The following PNKD variants were observed in gnomAD, a reference collection of about 807,000 sequenced individuals.
PNKD encodes the protein probable thioesterase PNKD.
Under a neutral mutation model 45.3 loss-of-function variants are expected in PNKD, and 36 were observed. The ratio of observed to expected loss-of-function variants is 0.80; its 90% CI spans 0.61 to 1.05. The LOEUF (loss-of-function observed/expected upper bound fraction) is 1.05, where lower values mean the gene tolerates loss of function less well. Among genes scored for constraint, PNKD ranks in the 50% least tolerant of loss-of-function variants. The pLI is 0.00. For missense variants in PNKD, 511 were observed against 506.6 expected (o/e 1.01, Z -0.08); for synonymous variants, 197 against 210.1 (o/e 0.94, Z 0.54).
chr2:218,291,908 T>C (rs1246896843), intron 2 of PNKD, among the ~76,000 whole-genome samples: 7 of 152,020 alleles, frequency 4.6e-5, no homozygotes, highest in African/African-American at 1.5e-4. Context: ...CTTGAGCTGC[T>C]CATTGGCTTC....
At chr2:218,270,822 C>A (rs2106176803) in intron 1 of PNKD, 1 of 401,192 alleles carries the variant, frequency 2.5e-6, no homozygotes, top group East Asian at 3.6e-5. Context: ...CAAGAGGGAG[C>A]TCCTAGGAAG....
At chr2:218,341,888 G>A (rs2106295306) in intron 6 of PNKD, 93 bp from the exon 7 acceptor site, 1 of 1,076,806 alleles carries the variant, frequency 9.3e-7, no homozygotes, top group South Asian at 1.3e-5. Context: ...CCACTCTCTT[G>A]TGAATCACCC....
intron 2 of PNKD, among the ~76,000 whole-genome samples, chr2:218,325,735 G>A (rs1204608574): frequency 3.3e-5 from 5 of 152,172 alleles, no homozygotes; most frequent in Non-Finnish European, 7.4e-5. Context: ...TTGAGGGTGT[G>A]GGTATGCCTG....
intron 2 of PNKD, chr2:218,272,576 C>T (rs1690888088): frequency 2.5e-6 from 4 of 1,613,724 alleles, no homozygotes; most frequent in Admixed American, 1.7e-5. Flanking sequence ...GTAGGGCCAT[C>T]GGCTTCCCTT....
In PNKD at chr2:218,278,631, G is replaced by A. The variant is rs1691513819; in HGVS notation, c.236+7082G>A. On this transcript the variant is annotated intron_variant, in intron 2 of 9. Transcript: ENST00000273077. ...TGCCCCGCTTGGCAGCACACACCAGGCCAGTGATTTGGGGCCCAAATAGCC... is the reference window on the plus strand; with the variant it reads ...TGCCCCGCTTGGCAGCACACACCAGACCAGTGATTTGGGGCCCAAATAGCC... The A allele has an allele frequency of 3.8e-6, 6 of 1,574,604 alleles. No individual in the cohort carries two copies. The Admixed American group carries it at 1.0e-4, about 26-fold the overall frequency.
Position 218,339,858 on chromosome 2 carries a change from C to A in PNKD, c.312C>A (p.Tyr104Ter). 6.2e-7 allele frequency: 1 copy of A among 1,611,828 alleles called. No individual in the cohort carries two copies. Among genetic ancestry groups the A allele is most frequent in the Non-Finnish European group, 8.5e-7 (1 of 1,179,008 alleles). ...RQQLRRARNR[Y>*]PKGHSKTQPR... ...AGCTGCGCAGGGCTCGGAATCGCTA[C>A]CCTAAAGGCCACTCGAAAACCCAGC... Residue 104 changes from tyrosine to a stop codon, truncating the protein, a stop_gained, in exon 3 of 10, where the codon TAC becomes TAA. Transcript: ENST00000273077. LOFTEE classifies it high-confidence loss of function.
chr2:218,307,043 G>A (rs1399935199), intron 2 of PNKD, among the ~76,000 whole-genome samples: 1 of 152,128 alleles, frequency 6.6e-6, no homozygotes, highest in Non-Finnish European at 1.5e-5. Flanking sequence ...GTTTACAGTT[G>A]GGCAAAATCA....
chr2:218,321,816 T>C (rs36068079), intron 2 of PNKD, among the ~76,000 whole-genome samples: 144,722 of 151,354 alleles, frequency 0.96, 69,459 homozygotes, highest in East Asian at 1. Flanking sequence ...TTAGTAGAGA[T>C]GGGGTTTCAC....
chr2:218,334,758 G>A, intron 2 of PNKD: 1 of 702,332 alleles, frequency 1.4e-6, no homozygotes, highest in East Asian at 2.7e-5. Flanking sequence ...TATTGTTACT[G>A]GTGAGATTAA....
rs555329508 is a variant in PNKD at position 218,340,628 on chromosome 2, T to C, written c.466-100T>C. On this transcript the variant is annotated intron_variant, in intron 4 of 9. Coordinates refer to ENST00000273077, the MANE Select transcript of PNKD (RefSeq NM_015488.5). The surrounding 1 kb of genome is among the most constrained non-coding windows in gnomAD (Gnocchi z 4.2). ...TTTCCTCTGCTTCATCTCTCCATGCTCTCCTCTCCTCTCCACCAGCGCCCA... is the reference window on the plus strand; with the variant it reads ...TTTCCTCTGCTTCATCTCTCCATGCCCTCCTCTCCTCTCCACCAGCGCCCA... 9 of 846,126 alleles carry C rather than the reference T, an allele frequency of 1.1e-5. No individual in the cohort carries two copies. The highest frequency in any genetic ancestry group is 1.0e-4 in the Admixed American group (6 of 58,250). The allele number at this position is 846,126 out of a possible 1,614,324, so 52.4% of individuals were successfully genotyped here.
chr2:218,273,060 A>C (rs1574618289), intron 2 of PNKD: 4 of 735,884 alleles, frequency 5.4e-6, no homozygotes, highest in Non-Finnish European at 3.9e-6. Context: ...GGTGGGGCAA[A>C]CCCAGAGACT....
intron 2 of PNKD, among the ~76,000 whole-genome samples, chr2:218,312,526 T>G (rs1383744231): frequency 1.4e-5 from 2 of 142,938 alleles, no homozygotes; most frequent in African/African-American, 5.3e-5. Context: ...GGGTGAAGAA[T>G]GGATATTGAC....
At chr2:218,335,712 A>G (rs576735769) in intron 2 of PNKD, among the ~76,000 whole-genome samples, 3 of 152,356 alleles carry the variant, frequency 2.0e-5, no homozygotes, top group African/African-American at 7.2e-5. Context: ...AAGCCCTTCA[A>G]CCATGTGCCC....
intron 2 of PNKD, among the ~76,000 whole-genome samples, chr2:218,333,141 A>G (rs1694379620): frequency 6.6e-6 from 1 of 152,136 alleles, no homozygotes; most frequent in African/African-American, 2.4e-5. Context: ...TTGCTGACTA[A>G]TCCGGTTTCT....
chr2:218,320,253 C>T (rs1693950156), intron 2 of PNKD, among the ~76,000 whole-genome samples: 1 of 152,198 alleles, frequency 6.6e-6, no homozygotes, highest in South Asian at 2.1e-4. Flanking sequence ...TTAATTGACA[C>T]ACAATAATTG....
chr2:218,309,295 T>C (rs938068141), intron 2 of PNKD, among the ~76,000 whole-genome samples: 4 of 151,060 alleles, frequency 2.6e-5, no homozygotes, highest in Non-Finnish European at 2.9e-5. Context: ...GGTGCATGCC[T>C]GTAGTCCCAG....
At chr2:218,318,878 G>C (rs926285816) in intron 2 of PNKD, among the ~76,000 whole-genome samples, 1 of 150,542 alleles carries the variant, frequency 6.6e-6, no homozygotes, top group African/African-American at 2.4e-5. Flanking sequence ...CATAGAGGGA[G>C]TAACATTTTT....
intron 2 of PNKD, among the ~76,000 whole-genome samples, chr2:218,273,168 G>C (rs1690920679): frequency 6.6e-6 from 1 of 152,204 alleles, no homozygotes; most frequent in Non-Finnish European, 1.5e-5. Context: ...ACAATAAAGA[G>C]AATCAAAGAA....
chr2:218,293,638 T>C (rs538499967), intron 2 of PNKD, among the ~76,000 whole-genome samples: 1 of 136,446 alleles, frequency 7.3e-6, no homozygotes, highest in Admixed American at 8.6e-5. Flanking sequence ...CAGGCTGGAG[T>C]GCAGTGGCGC....
Sources: allele counts gnomAD v4.1 joint callset (sites outside exome capture counted in the v4.1 genomes callset), GRCh38; gene constraint gnomAD v4.1.1; non-coding constraint Gnocchi (gnomAD v3.1); transcripts MANE v1.5; gene names NCBI Gene and HGNC (gene_info 2026-07-23, HGNC 2026-07-21).